The following TFB1M variants were observed in gnomAD, a reference collection of about 807,000 sequenced individuals.
The protein encoded by TFB1M is transcription factor B1, mitochondrial, also known as dimethyladenosine transferase 1, mitochondrial.
TFB1M carries 27 observed loss-of-function variants against 31.1 expected under a neutral mutation model. That is an observed-to-expected ratio of 0.87 (90% CI 0.64 to 1.20). The LOEUF (loss-of-function observed/expected upper bound fraction) is 1.20. Ranked by LOEUF, TFB1M falls within the 50% of genes most tolerant of loss-of-function variation. The probability of loss-of-function intolerance (pLI) is 0.00; values close to 1 mark genes in which losing one functional copy is unlikely to be tolerated. For synonymous variants in TFB1M, 166 were observed against 151.8 expected (o/e 1.09, Z -0.69); for missense variants, 394 against 418.7 (o/e 0.94, Z 0.51).
the TFB1M span, chr6:155,240,415 A>G: frequency 8.9e-7 from 1 of 1,123,222 alleles, no homozygotes; most frequent in East Asian, 2.5e-5. Context: ...CCCTACACAG[A>G]GGCCCCTCTG....
At chr6:155,299,815 G>A (rs1335620283) in intron 2 of TFB1M, among the ~76,000 whole-genome samples, 1 of 152,126 alleles carries the variant, frequency 6.6e-6, no homozygotes, top group Non-Finnish European at 1.5e-5. Flanking sequence ...GATCACAGAA[G>A]CCAGAGAGGA....
At chr6:155,312,288 G>A (rs991552543) in intron 1 of TFB1M, among the ~76,000 whole-genome samples, 2 of 152,084 alleles carry the variant, frequency 1.3e-5, no homozygotes, top group African/African-American at 4.8e-5. Context: ...TAACAGGGAG[G>A]GAATTAGCAT....
chr6:155,250,018 T>C, the TFB1M span: 2 of 1,437,922 alleles, frequency 1.4e-6, no homozygotes, highest in Non-Finnish European at 1.9e-6. Flanking sequence ...TGGTGTGGGG[T>C]CTGTAGGTGA....
Position 155,257,866 on chromosome 6 carries a change from T to C in TFB1M, c.1011A>G (p.Glu337=), listed in dbSNP as rs200641992. The C allele has an allele frequency of 1.9e-6, 3 of 1,614,194 alleles. No homozygotes were observed. The highest frequency in any genetic ancestry group is 2.7e-5 in the African/African-American group (2 of 75,056). Residue 337 remains glutamate, a synonymous_variant, in exon 7 of 7, where the codon GAA becomes GAG. Coordinates refer to ENST00000367166, the MANE Select transcript of TFB1M (RefSeq NM_016020.4). ...GTCTGTAATTCTCTGCGTCATCCTC[T>C]TCTTTTTCTTCATTTTTGCTTTTTC... is the stretch of plus-strand genomic sequence containing the variant. ...KRRKSKNEEK[E]EDDAENYRL is the part of the protein sequence containing the mutation.
In TFB1M at chr6:155,311,237, G is replaced by T. The variant is rs753934672; in HGVS notation, c.236C>A (p.Ala79Asp). ...ITRSILNADVAELLVVEKDTR... is the reference protein window; with the variant it reads ...ITRSILNADVDELLVVEKDTR... Reference sequence around the variant, plus strand: ...GTCCTTTTCAACCACCAGAAGTTCAGCGACGTCGGCATTAAGAATAGATCT... The same window carrying T: ...GTCCTTTTCAACCACCAGAAGTTCATCGACGTCGGCATTAAGAATAGATCT... The change falls in exon 2 of 7, where the codon GCT (alanine) becomes GAT (aspartate). Residue 79 changes from alanine (A) to aspartate (D), a missense_variant. Ala to Asp is a moderately radical substitution (Grantham distance 126). Around this residue, in one of 3 missense-constraint regions of TFB1M, gnomAD observed 273 missense variants for 256.4 expected, o/e 1.06. Coordinates refer to ENST00000367166, the MANE Select transcript of TFB1M (RefSeq NM_016020.4). 6.2e-7 allele frequency: 1 copy of T among 1,614,104 alleles called. No individual in the cohort carries two copies. Among genetic ancestry groups the T allele is most frequent in the Admixed American group, 1.7e-5 (1 of 60,014 alleles).
chr6:155,238,749 T>A, the TFB1M span, among the ~76,000 whole-genome samples: 2 of 152,234 alleles, frequency 1.3e-5, no homozygotes, highest in African/African-American at 4.8e-5. Flanking sequence ...TCCACAGAAG[T>A]CTTTGTTGAT....
At chr6:155,266,055 G>C (rs1784619907) in intron 5 of TFB1M, among the ~76,000 whole-genome samples, 1 of 151,894 alleles carries the variant, frequency 6.6e-6, no homozygotes, top group Non-Finnish European at 1.5e-5. Flanking sequence ...CCCAGATTGA[G>C]GGCGGGTCTA....
downstream of TFB1M, chr6:155,253,911 G>T (rs1783834152): frequency 4.6e-6 from 6 of 1,308,438 alleles, no homozygotes; most frequent in Non-Finnish European, 6.5e-6. Context: ...CTTTACAAGT[G>T]TTCTTAACCA....
chr6:155,298,629 C>G (rs750437788), intron 2 of TFB1M, 44 bp from the exon 3 acceptor site: 1 of 1,328,606 alleles, frequency 7.5e-7, no homozygotes. Flanking sequence ...TATACTTATG[C>G]GAGTAACAAA....
chr6:155,235,006 T>C, the TFB1M span, among the ~76,000 whole-genome samples: 17 of 117,716 alleles, frequency 1.4e-4, no homozygotes, highest in Non-Finnish European at 2.6e-4. Context: ...CAGCTAGAGA[T>C]GGAGCACAGC....
intron 5 of TFB1M, chr6:155,275,592 C>A: frequency 1.1e-6 from 1 of 901,782 alleles, no homozygotes; most frequent in Non-Finnish European, 1.7e-6. Context: ...TTCGCTCAAT[C>A]CTGGTTTTGC....
chr6:155,249,840 A>C, the TFB1M span: 1 of 1,596,002 alleles, frequency 6.3e-7, no homozygotes, highest in Non-Finnish European at 8.6e-7. Flanking sequence ...ATATGATTTC[A>C]TATCTTGCAG....
the TFB1M span, among the ~76,000 whole-genome samples, chr6:155,239,407 C>T: frequency 1.2e-4 from 19 of 152,292 alleles, no homozygotes; most frequent in African/African-American, 3.4e-4. Flanking sequence ...GCCACCCTGC[C>T]CTCACTGGGC....
At chr6:155,275,648 T>C in intron 5 of TFB1M, 1 of 1,430,150 alleles carries the variant, frequency 7.0e-7, no homozygotes, top group Non-Finnish European at 9.6e-7. Flanking sequence ...TGCACAGAAA[T>C]AGATAGAATT....
the TFB1M span, chr6:155,250,662 G>A: frequency 2.0e-6 from 3 of 1,520,688 alleles, no homozygotes; most frequent in East Asian, 4.9e-5. Context: ...TGGTCACAAG[G>A]CATGTCTCAC....
chr6:155,276,187 C>G, intron 5 of TFB1M: 2 of 1,614,068 alleles, frequency 1.2e-6, no homozygotes, highest in Non-Finnish European at 1.7e-6. Context: ...CAGAAAGCAA[C>G]AAACATGAAC....
At position 155,260,351 on chromosome 6, in the gene TFB1M, T is replaced by C. The variant is rs761216076; in HGVS notation, c.716A>G (p.Glu239Gly). 3.1e-6 allele frequency: 5 copies of C among 1,614,106 alleles called. No homozygotes were observed. The African/African-American group carries it at 6.7e-5, about 22-fold the overall frequency. ...TTTTTCCACCAGCTTGAATGGCTGC[T>C]CTATCTTGGGCTGTATCAAGGGAGT... ...HFTPLIQPKIEQPFKLVEKVV... is the reference protein window; with the variant it reads ...HFTPLIQPKIGQPFKLVEKVV... Residue 239 changes from glutamate (E) to glycine (G), a missense_variant, in exon 6 of 7, where the codon GAG becomes GGG. Glu to Gly is a moderately conservative substitution (Grantham distance 98). Transcript: ENST00000367166.
intron 2 of TFB1M, among the ~76,000 whole-genome samples, chr6:155,308,699 T>TCATG (rs1777892491): frequency 6.6e-6 from 1 of 152,228 alleles, no homozygotes; most frequent in Non-Finnish European, 1.5e-5. Flanking sequence ...TTCTTTCCCC[T>TCATG]AAACTGCCTC....
Position 155,256,189 on chromosome 6 carries a change from G to A in TFB1M, c.*1647C>T. Reference sequence around the variant, plus strand: ...CAATTAACTTTTCAACTTACTCCTTGGCAAAATAAGAATCTTAGCCCATGT... The same window carrying A: ...CAATTAACTTTTCAACTTACTCCTTAGCAAAATAAGAATCTTAGCCCATGT... On this transcript the variant is annotated 3_prime_UTR_variant, in exon 7 of 7. Coordinates refer to ENST00000367166, the MANE Select transcript of TFB1M (RefSeq NM_016020.4). The A allele has an allele frequency of 1.8e-6, 1 of 544,102 alleles. No homozygotes were observed. Among genetic ancestry groups the A allele is most frequent in the South Asian group, 2.5e-5 (1 of 40,240 alleles). 33.7% of individuals were successfully genotyped at this position (544,102 alleles called of 1,614,324 possible).
Sources: allele counts gnomAD v4.1 joint callset (sites outside exome capture counted in the v4.1 genomes callset), GRCh38; gene constraint gnomAD v4.1.1; regional missense constraint gnomAD v4.1.1; transcripts MANE v1.5; gene names NCBI Gene and HGNC (gene_info 2026-07-23, HGNC 2026-07-21).